NRG1: variants seen among roughly 807,000 people sequenced by gnomAD.
NRG1 encodes the protein neuregulin 1, also known as pro-neuregulin-1, membrane-bound isoform.
In NRG1, 18 loss-of-function variants were observed where a neutral mutation model predicts 63.8. The ratio of observed to expected loss-of-function variants is 0.28; its 90% confidence interval spans 0.19 to 0.42. The LOEUF is 0.42. Among genes scored for constraint, NRG1 ranks in the 10% least tolerant of loss-of-function variants. The probability of loss-of-function intolerance (pLI) is 1.00; values close to 1 mark genes in which losing one functional copy is unlikely to be tolerated. For synonymous variants in NRG1, 302 were observed against 301.3 expected, an observed-to-expected ratio of 1.00 and a Z score of -0.02; for missense variants, 762 against 814.7, an observed-to-expected ratio of 0.94 and a Z score of 0.79.
chr8:32,469,714 T>C (rs1011269384), intron 1 of NRG1, among the ~76,000 whole-genome samples: 5 of 152,174 alleles, frequency 3.3e-5, no homozygotes, highest in Non-Finnish European at 7.4e-5. Context: ...CTCAAGATTC[T>C]AATCTTCAAG....
chr8:32,644,564 G>C (rs773372712), intron 5 of NRG1, among the ~76,000 whole-genome samples: 9 of 152,258 alleles, frequency 5.9e-5, no homozygotes, highest in African/African-American at 1.9e-4. Flanking sequence ...CGGAAAAAAA[G>C]CAATGTTATA....
chr8:32,041,095 T>C (rs115327887), intron 1 of NRG1, among the ~76,000 whole-genome samples: 1,660 of 152,196 alleles, frequency 0.011, 28 homozygotes, highest in African/African-American at 0.038. Flanking sequence ...TACTTATGGA[T>C]AACTTCATTA....
Position 31,776,101 on chromosome 8 carries a change from G to A in NRG1, c.37+136670G>A, listed in dbSNP as rs541367447. ...ATCTATAAAGCTGTTTCTGAGCACT[G>A]ACTGTAAAGTGCACTAGAAGCTCAA... is the stretch of plus-strand genomic sequence containing the variant. On this transcript the variant is annotated intron_variant, in intron 1 of 10. Transcript: ENST00000519301. Among the ~76,000 whole-genome samples, 3 of 152,210 alleles carry A rather than the reference G, an allele frequency of 2.0e-5. No individual in the cohort carries two copies. The East Asian group carries it at 5.8e-4, about 29-fold the overall frequency.
chr8:32,222,722 G>A (rs1845949423), intron 1 of NRG1, among the ~76,000 whole-genome samples: 1 of 152,246 alleles, frequency 6.6e-6, no homozygotes, highest in East Asian at 1.9e-4. Flanking sequence ...AGAGCTTCTA[G>A]TTCCCTGGAA....
intron 1 of NRG1, among the ~76,000 whole-genome samples, chr8:31,982,443 G>T (rs1772067756): frequency 6.6e-6 from 1 of 152,000 alleles, no homozygotes. Flanking sequence ...AAAGGATGAG[G>T]AACCCAGAAG....
At chr8:32,104,457 A>G (rs910883991) in intron 1 of NRG1, among the ~76,000 whole-genome samples, 5 of 152,154 alleles carry the variant, frequency 3.3e-5, no homozygotes, top group African/African-American at 1.2e-4. Context: ...TAGACTTTAT[A>G]AACACTATAT....
At chr8:32,183,864 A>G (rs1841691164) in intron 1 of NRG1, among the ~76,000 whole-genome samples, 1 of 152,170 alleles carries the variant, frequency 6.6e-6, no homozygotes, top group Admixed American at 6.5e-5. Flanking sequence ...GCTGAGAATC[A>G]AAGCTCCTGA....
chr8:32,032,964 A>G (rs938604642), intron 1 of NRG1, among the ~76,000 whole-genome samples: 3 of 152,040 alleles, frequency 2.0e-5, no homozygotes, highest in African/African-American at 7.2e-5. Context: ...AGGAAGGGGT[A>G]CAGTTTCAAT....
At chr8:32,461,989 ACT>A (rs1822380611) in intron 1 of NRG1, among the ~76,000 whole-genome samples, 1 of 151,930 alleles carries the variant, frequency 6.6e-6, no homozygotes, top group Non-Finnish European at 1.5e-5. Flanking sequence ...AGGAAGCAAA[ACT>A]CTGTTTGGCA....
intron 1 of NRG1, among the ~76,000 whole-genome samples, chr8:32,236,215 G>T (rs1338088465): frequency 2.0e-5 from 3 of 151,742 alleles, no homozygotes; most frequent in Admixed American, 2.0e-4. Context: ...GAATGAAAAG[G>T]TCTTGCCCCA....
chr8:31,983,105 C>T (rs549801833), intron 1 of NRG1, among the ~76,000 whole-genome samples: 1 of 151,962 alleles, frequency 6.6e-6, no homozygotes, highest in Non-Finnish European at 1.5e-5. Flanking sequence ...GGCTATCAGC[C>T]CCCTGGAAAA....
At chr8:31,662,587 A>G (rs930853456) in intron 1 of NRG1, among the ~76,000 whole-genome samples, 1 of 152,088 alleles carries the variant, frequency 6.6e-6, no homozygotes, top group Admixed American at 6.5e-5. Flanking sequence ...ATGTTCCAGG[A>G]ACTGTTTGTG....
chr8:32,108,764 C>T (rs1831610233), intron 1 of NRG1, among the ~76,000 whole-genome samples: 1 of 151,826 alleles, frequency 6.6e-6, no homozygotes, highest in South Asian at 2.1e-4. Context: ...ATTTCAATAG[C>T]CACGGAAGGG....
chr8:32,371,320 T>C (rs4733318), intron 1 of NRG1, among the ~76,000 whole-genome samples: 124,993 of 152,184 alleles, frequency 0.82, 51,409 homozygotes, highest in Middle Eastern at 0.89. Flanking sequence ...CAGAAACACA[T>C]GACCATCGTA....
At chr8:31,882,886 T>A (rs1193428168) in intron 1 of NRG1, among the ~76,000 whole-genome samples, 1 of 152,106 alleles carries the variant, frequency 6.6e-6, no homozygotes, top group Non-Finnish European at 1.5e-5. Context: ...CAAAATAAGT[T>A]TTCTTGAGAT....
chr8:32,728,928 C>T (rs1235432233), intron 6 of NRG1, among the ~76,000 whole-genome samples: 18 of 152,048 alleles, frequency 1.2e-4, no homozygotes, highest in Admixed American at 9.2e-4. Context: ...ATTAGCTGGG[C>T]GTGGTGGCAC....
intron 1 of NRG1, among the ~76,000 whole-genome samples, chr8:32,579,426 G>C (rs73591014): frequency 2.6e-5 from 4 of 151,992 alleles, no homozygotes; most frequent in African/African-American, 9.7e-5. Context: ...GAGAAAGAAG[G>C]GTTGTCTGGG....
intron 1 of NRG1, among the ~76,000 whole-genome samples, chr8:32,339,094 G>A (rs1180411988): frequency 1.3e-5 from 2 of 152,054 alleles, no homozygotes; most frequent in African/African-American, 2.4e-5. Flanking sequence ...TTAGAGTCAC[G>A]GTGGTTCACA....
At chr8:32,745,108 T>A (rs191517498) in intron 7 of NRG1, among the ~76,000 whole-genome samples, 2 of 152,302 alleles carry the variant, frequency 1.3e-5, no homozygotes, top group African/African-American at 4.8e-5. Context: ...GAGAGTTTTT[T>A]CAATTTTTAT....
Sources: gnomAD v4.1 joint callset for allele counts (sites outside exome capture counted in the v4.1 genomes callset) on GRCh38, gnomAD v4.1.1 for gene constraint, MANE v1.5 for transcripts, NCBI Gene and HGNC (gene_info 2026-07-23, HGNC 2026-07-21) for gene names.